Variants in ATP9B observed in about 807,000 individuals in gnomAD.
ATP9B encodes the protein ATPase phospholipid transporting 9B, also known as probable phospholipid-transporting ATPase IIB.
Under a neutral mutation model 146.1 loss-of-function variants are expected in ATP9B, and 110 were observed. That is an observed-to-expected ratio of 0.75 (90% CI 0.65 to 0.88). ATP9B has a LOEUF of 0.88. Ranked by LOEUF, ATP9B falls within the 40% of genes least tolerant of loss-of-function variation. The pLI is 0.00. For synonymous variants in ATP9B, 604 were observed against 569.7 expected (o/e 1.06, Z -0.86); for missense variants, 1,499 against 1,496.4 (o/e 1.00, Z -0.03).
At chr18:79,316,170 T>C (rs1294821367) in intron 15 of ATP9B, among the ~76,000 whole-genome samples, 1 of 152,140 alleles carries the variant, frequency 6.6e-6, no homozygotes, top group East Asian at 1.9e-4. Context: ...GAAAATCAAG[T>C]GATGACATCG....
chr18:79,263,842 T>C lies in ATP9B; in HGVS notation c.1268+10301T>C, dbSNP rs375774854. ...GCTCACGCCTGTAATCCCAGCACTTTGGGAGGCCGAGGCGGGTGGATCACG... is the reference window on the plus strand; with the variant it reads ...GCTCACGCCTGTAATCCCAGCACTTCGGGAGGCCGAGGCGGGTGGATCACG... On this transcript the variant is annotated intron_variant, in intron 12 of 29. Transcript: ENST00000426216. Among the ~76,000 whole-genome samples the C allele has an allele frequency of 1.1e-4, 17 of 152,198 alleles. No individual in the cohort carries two copies. In the East Asian group the frequency reaches 1.9e-3, roughly 17 times the overall value.
At chr18:79,355,081 T>C (rs1307067727) in intron 25 of ATP9B, among the ~76,000 whole-genome samples, 1 of 152,212 alleles carries the variant, frequency 6.6e-6, no homozygotes, top group Non-Finnish European at 1.5e-5. Context: ...GAAGGGGTAA[T>C]GAGCCCCTCA....
chr18:79,167,432 G>A (rs920316186), intron 7 of ATP9B, among the ~76,000 whole-genome samples: 29 of 152,272 alleles, frequency 1.9e-4, no homozygotes, highest in African/African-American at 6.7e-4. Context: ...ACCCGGAGTA[G>A]GTAGCTCCTA....
At chr18:79,161,680 C>A (rs903561960) in intron 7 of ATP9B, among the ~76,000 whole-genome samples, 1 of 152,076 alleles carries the variant, frequency 6.6e-6, no homozygotes, top group Non-Finnish European at 1.5e-5. Flanking sequence ...AACGCCATCT[C>A]TAGAAAAATA....
intron 11 of ATP9B, among the ~76,000 whole-genome samples, chr18:79,222,215 C>G (rs1213420485): frequency 2.6e-5 from 4 of 151,996 alleles, no homozygotes; most frequent in Non-Finnish European, 5.9e-5. Context: ...AAGAATTAGC[C>G]GGGCGTGGTG....
chr18:79,244,373 G>T (rs1317094464), intron 11 of ATP9B, among the ~76,000 whole-genome samples: 1 of 152,104 alleles, frequency 6.6e-6, no homozygotes, highest in Admixed American at 6.6e-5. Context: ...CATTTCCAAG[G>T]TACTTACTGG....
chr18:79,116,940 TAAA>T lies in ATP9B; in HGVS notation c.558+3600_558+3602del, dbSNP rs377608135. On this transcript the variant is annotated intron_variant, in intron 4 of 29. Transcript: ENST00000426216. Reference sequence around the variant, plus strand: ...AGTATAATAAAAAAAAAAAAAAAATTAAAAAAAAAAAAAAAAGAAATAATGATT... The same window carrying T: ...AGTATAATAAAAAAAAAAAAAAAATTAAAAAAAAAAAAAGAAATAATGATT... 1.0e-4 allele frequency among the ~76,000 whole-genome samples: 11 copies of T among 106,814 alleles called. No individual in the cohort carries two copies. In the East Asian group the frequency reaches 1.3e-3, roughly 13 times the overall value. 70.1% of individuals were successfully genotyped at this position (106,814 alleles called of 152,430 possible).
At chr18:79,149,307 AG>A (rs2094644635) in intron 6 of ATP9B, among the ~76,000 whole-genome samples, 1 of 152,240 alleles carries the variant, frequency 6.6e-6, no homozygotes, top group Non-Finnish European at 1.5e-5. Flanking sequence ...GTGTGGAAGA[AG>A]GATAGAAACA....
intron 5 of ATP9B, 144 bp downstream of exon 5, chr18:79,126,519 TTATAA>T (rs1465692040): frequency 3.3e-6 from 2 of 605,486 alleles, no homozygotes; most frequent in African/African-American, 3.7e-5. Flanking sequence ...ATTAATTTCC[TTATAA>T]TGTATAATGC....
intron 26 of ATP9B, among the ~76,000 whole-genome samples, chr18:79,365,388 C>T (rs991366132): frequency 6.6e-6 from 1 of 152,204 alleles, no homozygotes; most frequent in Non-Finnish European, 1.5e-5. Flanking sequence ...GCAGAGACTC[C>T]CCTTCACTGC....
chr18:79,288,975 G>A (rs1258116730), intron 13 of ATP9B, among the ~76,000 whole-genome samples: 6 of 152,094 alleles, frequency 3.9e-5, no homozygotes, highest in South Asian at 2.1e-4. Flanking sequence ...AGTTTCTGCC[G>A]AGAGATCCAC....
chr18:79,154,624 A>T (rs1450453741), intron 7 of ATP9B, 69 bp downstream of exon 7: 1 of 1,009,634 alleles, frequency 9.9e-7, no homozygotes, highest in Non-Finnish European at 1.4e-6. Context: ...AAATATCTAT[A>T]CAAGGAAAAA....
At chr18:79,360,305 G>C (rs537966769) in intron 26 of ATP9B, 1 of 152,272 alleles carries the variant, frequency 6.6e-6, no homozygotes, top group African/African-American at 2.4e-5. Flanking sequence ...TAAATGACAG[G>C]TGTCTGAAAT....
chr18:79,297,369 CGACCCAGAGAGAAGACAGAT>C (rs2096559916), intron 13 of ATP9B, among the ~76,000 whole-genome samples: 1 of 150,500 alleles, frequency 6.6e-6, no homozygotes, highest in South Asian at 2.1e-4. Context: ...GAGACACAGA[CGACCCAGAGAGAAGACAGAT>C]GACCCAGAGA....
At chr18:79,226,924 T>C (rs1052280371) in intron 11 of ATP9B, among the ~76,000 whole-genome samples, 32 of 151,860 alleles carry the variant, frequency 2.1e-4, no homozygotes, top group African/African-American at 7.3e-4. Flanking sequence ...TGTTGGGCCC[T>C]GTGTACTAGG....
chr18:79,251,589 C>T (rs2096024262), intron 11 of ATP9B, among the ~76,000 whole-genome samples: 1 of 152,172 alleles, frequency 6.6e-6, no homozygotes, highest in South Asian at 2.1e-4. Flanking sequence ...TTCTTCGCAG[C>T]TGCACTTAAT....
intron 2 of ATP9B, 39 bp from the exon 3 acceptor site, chr18:79,110,315 CA>C (rs374633642): frequency 1.1e-3 from 1,513 of 1,422,344 alleles, no homozygotes; most frequent in South Asian, 3.9e-3. Context: ...TTTTAAAAAG[CA>C]AAAAAAAATA....
At chr18:79,271,602 T>C (rs1599459804) in intron 12 of ATP9B, among the ~76,000 whole-genome samples, 1 of 152,190 alleles carries the variant, frequency 6.6e-6, no homozygotes, top group Non-Finnish European at 1.5e-5. Context: ...TATTCCATGG[T>C]GTATATGTGC....
At chr18:79,279,426 A>G (rs1599543771) in intron 13 of ATP9B, among the ~76,000 whole-genome samples, 1 of 152,214 alleles carries the variant, frequency 6.6e-6, no homozygotes, top group African/African-American at 2.4e-5. Flanking sequence ...AGAAATGACA[A>G]ATCACCAGCA....
Sources: gnomAD v4.1 joint callset for allele counts (sites outside exome capture counted in the v4.1 genomes callset) on GRCh38, gnomAD v4.1.1 for gene constraint, MANE v1.5 for transcripts, NCBI Gene and HGNC (gene_info 2026-07-23, HGNC 2026-07-21) for gene names.